Variants in ORC3 observed in about 807,000 individuals in gnomAD.
The protein encoded by ORC3 is homolog of latheo, Drosophila.
In ORC3, 78 loss-of-function variants were observed where a neutral mutation model predicts 100.7. That is an observed-to-expected ratio of 0.77 (90% confidence interval 0.65 to 0.94). ORC3 has a LOEUF of 0.94. Among genes scored for constraint, ORC3 ranks in the 40% least tolerant of loss-of-function variants. The probability of loss-of-function intolerance (pLI) is 0.00; values close to 1 mark genes in which losing one functional copy is unlikely to be tolerated. For synonymous variants in ORC3, 295 were observed against 289.3 expected (o/e 1.02, Z -0.20); for missense variants, 789 against 823.9 (o/e 0.96, Z 0.52).
At position 87,603,458 on chromosome 6, in the gene ORC3, C is replaced by T; in HGVS notation, c.252C>T (p.Phe84=). 1 of 1,534,470 alleles carries T rather than the reference C, an allele frequency of 6.5e-7. No individual in the cohort carries two copies. Among genetic ancestry groups the T allele is most frequent in the South Asian group, 1.3e-5 (1 of 78,990 alleles). The change falls in exon 4 of 20, where the codon TTC becomes TTT. Residue 84 remains phenylalanine (F), a synonymous_variant. Coordinates refer to ENST00000392844, the MANE Select transcript of ORC3 (RefSeq NM_012381.4). ...IEFLQKSHSG[F]QKNSRDLGGQ... is the part of the protein sequence containing the mutation. ...TTCTGCAAAAATCACATTCTGGATTCCAGAAGAATTCAAGAGACTTGGGCG... is the reference window on the plus strand; with the variant it reads ...TTCTGCAAAAATCACATTCTGGATTTCAGAAGAATTCAAGAGACTTGGGCG...
At chr6:87,590,280 C>A (rs2128239214) in intron 1 of ORC3, 88 bp downstream of exon 1, 1 of 1,398,564 alleles carries the variant, frequency 7.2e-7, no homozygotes, top group Non-Finnish European at 1.0e-6. Flanking sequence ...GTAGGCATCC[C>A]TTCCCTGGCT....
At chr6:87,622,549 T>C (rs1779610802) in intron 11 of ORC3, among the ~76,000 whole-genome samples, 1 of 152,104 alleles carries the variant, frequency 6.6e-6, no homozygotes, top group Admixed American at 6.6e-5. Context: ...GGCTTCTTTC[T>C]TGAATAAATA....
the ORC3 span, among the ~76,000 whole-genome samples, chr6:87,673,643 C>A: frequency 1.3e-5 from 2 of 151,982 alleles, no homozygotes; most frequent in African/African-American, 4.8e-5. Context: ...GAGATCGAGA[C>A]CATCCTGGCC....
At chr6:87,628,960 A>G (rs564107390) in intron 11 of ORC3, among the ~76,000 whole-genome samples, 2 of 152,380 alleles carry the variant, frequency 1.3e-5, no homozygotes, top group South Asian at 4.1e-4. Context: ...GGAATTAATC[A>G]TTTAAATTCA....
At chr6:87,609,552 G>T in intron 7 of ORC3, 2 of 177,612 alleles carry the variant, frequency 1.1e-5, no homozygotes, top group East Asian at 1.5e-4. Flanking sequence ...TGTTGTTTTT[G>T]TTTTTTTCTT....
At chr6:87,617,207 ATG>A (rs145680871) in intron 9 of ORC3, among the ~76,000 whole-genome samples, 8 of 150,452 alleles carry the variant, frequency 5.3e-5, no homozygotes, top group Admixed American at 4.6e-4. Context: ...TGGACCATGC[ATG>A]TGTGTGTGTG....
intron 13 of ORC3, 115 bp downstream of exon 13, chr6:87,636,601 CTAAGAA>C (rs1306421491): frequency 1.5e-6 from 1 of 670,124 alleles, no homozygotes; most frequent in East Asian, 2.6e-5. Context: ...CATGTTGTGT[CTAAGAA>C]TATTTGCATA....
chr6:87,670,745 A>ATGTGCCAGGCACTG (rs1770816089), downstream of ORC3, among the ~76,000 whole-genome samples: 1 of 152,228 alleles, frequency 6.6e-6, no homozygotes, highest in African/African-American at 2.4e-5. Context: ...AGCATGTGCC[A>ATGTGCCAGGCACTG]TGTGCCAGGC....
Position 87,647,580 on chromosome 6 carries a change from T to G in ORC3, c.1383-5536T>G, listed in dbSNP as rs117254423. Among the ~76,000 whole-genome samples, 95 of 152,358 alleles carry G rather than the reference T, an allele frequency of 6.2e-4. No homozygotes were observed. The East Asian group carries it at 0.016, about 26-fold the overall frequency. ...TAACGCATATATCGTATATATGATATAGATAGATAGTGCATGTCTGTGCTT... is the reference window on the plus strand; with the variant it reads ...TAACGCATATATCGTATATATGATAGAGATAGATAGTGCATGTCTGTGCTT... On this transcript the variant is annotated intron_variant, in intron 13 of 19. Coordinates refer to ENST00000392844, the MANE Select transcript of ORC3 (RefSeq NM_012381.4).
At chr6:87,619,105 C>T (rs1583056390) in intron 9 of ORC3, among the ~76,000 whole-genome samples, 1 of 151,988 alleles carries the variant, frequency 6.6e-6, no homozygotes, top group Admixed American at 6.6e-5. Context: ...AGGGCAGCAC[C>T]TTAAGACAAA....
At position 87,641,391 on chromosome 6, in the gene ORC3, G is replaced by A. The variant is rs73752047; in HGVS notation, c.1382+4905G>A. 4.9e-3 allele frequency among the ~76,000 whole-genome samples: 739 copies of A among 152,296 alleles called. 8 individuals are homozygous for A. The highest frequency in any genetic ancestry group is 0.017 in the African/African-American group (691 of 41,562). On this transcript the variant is annotated intron_variant, in intron 13 of 19. Coordinates refer to ENST00000392844, the MANE Select transcript of ORC3 (RefSeq NM_012381.4). ...CTTTCAACCCTATTCCAGTTACTTA[G>A]AGGTGGTAATAAAAGGAAATTTATG... is the stretch of plus-strand genomic sequence containing the variant.
At chr6:87,675,848 T>G in the ORC3 span, 4 of 1,610,410 alleles carry the variant, frequency 2.5e-6, no homozygotes, top group Non-Finnish European at 3.4e-6. Flanking sequence ...ACTTCAAAGG[T>G]GAAATACTTA....
At chr6:87,656,140 C>G (rs1421589131) in intron 14 of ORC3, among the ~76,000 whole-genome samples, 1 of 152,172 alleles carries the variant, frequency 6.6e-6, no homozygotes, top group African/African-American at 2.4e-5. Context: ...GCTAAAGAAC[C>G]ATGATGCACT....
chr6:87,632,224 C>T (rs573904068), intron 11 of ORC3, among the ~76,000 whole-genome samples: 5 of 152,260 alleles, frequency 3.3e-5, no homozygotes, highest in African/African-American at 1.2e-4. Flanking sequence ...TACATATGTG[C>T]AGGTATCTAA....
chr6:87,670,423 C>G (rs1314117703), downstream of ORC3, among the ~76,000 whole-genome samples: 1 of 152,130 alleles, frequency 6.6e-6, no homozygotes, highest in Non-Finnish European at 1.5e-5. Flanking sequence ...ACCTAGGCTT[C>G]CCAAAGTGCT....
intron 6 of ORC3, 89 bp downstream of exon 6, chr6:87,607,913 A>T: frequency 1.2e-6 from 1 of 813,612 alleles, no homozygotes; most frequent in Middle Eastern, 2.6e-4. Context: ...TTTTGATCTA[A>T]CAAGGATATG....
rs1174841055 is a variant in ORC3, at chr6:87,594,391, G to T, written c.63G>T (p.Lys21Asn). Residue 21 changes from lysine to asparagine, a missense_variant, in exon 2 of 20, where the codon AAG (lysine) becomes AAT (asparagine). By Grantham distance (94) the Lys-to-Asn change is moderately conservative (BLOSUM62 0). Transcript: ENST00000392844. ...FVFKPNSKKR[K>N]ISLPIEDYFN... is the part of the protein sequence containing the mutation. The stretch of plus-strand genomic sequence containing the variant: ...TTAAGCCAAACTCCAAAAAGAGAAA[G>T]ATCTCTCTGCCAATAGGTAAGGTGT... 6.3e-7 allele frequency: 1 copy of T among 1,582,784 alleles called. No homozygotes were observed.
chr6:87,676,197 G>T, the ORC3 span, among the ~76,000 whole-genome samples: 7 of 152,158 alleles, frequency 4.6e-5, no homozygotes, highest in Non-Finnish European at 8.8e-5. Flanking sequence ...GGGTGCGGTG[G>T]CTCACGCCTG....
At chr6:87,659,117 G>T (rs976848897) in intron 16 of ORC3, among the ~76,000 whole-genome samples, 1 of 143,732 alleles carries the variant, frequency 7.0e-6, no homozygotes, top group Non-Finnish European at 1.5e-5. Flanking sequence ...AGGCTGGAGT[G>T]CAGTGGTGTG....
Sources: allele counts gnomAD v4.1 joint callset (sites outside exome capture counted in the v4.1 genomes callset), GRCh38; gene constraint gnomAD v4.1.1; transcripts MANE v1.5; gene names NCBI Gene and HGNC (gene_info 2026-07-23, HGNC 2026-07-21).